Variants in SYT1 observed in about 807,000 individuals in gnomAD.
SYT1 encodes the protein synaptotagmin 1.
Under a neutral mutation model 44.8 loss-of-function variants are expected in SYT1, and 8 were observed. The observed-to-expected ratio is 0.18, with a 90% CI of 0.10 to 0.32. The LOEUF is 0.32. Among genes scored for constraint, SYT1 ranks in the 10% least tolerant of loss-of-function variants. The pLI, the probability that SYT1 is intolerant of heterozygous loss-of-function variation, is 1.00. For missense variants in SYT1, 286 were observed against 509.3 expected, an observed-to-expected ratio of 0.56 and a Z score of 4.22; for synonymous variants, 154 against 188.8, an observed-to-expected ratio of 0.82 and a Z score of 1.51.
chr12:79,168,134 T>C (rs546255986), intron 3 of SYT1, among the ~76,000 whole-genome samples: 15 of 152,220 alleles, frequency 9.9e-5, no homozygotes, highest in African/African-American at 3.6e-4. Flanking sequence ...AATACATATG[T>C]ATGTACTTAA....
intron 4 of SYT1, among the ~76,000 whole-genome samples, chr12:79,270,845 T>A (rs1195791023): frequency 6.6e-6 from 1 of 152,204 alleles, no homozygotes; most frequent in Non-Finnish European, 1.5e-5. Context: ...AGAACATGGC[T>A]ATGTGGGTTT....
intron 9 of SYT1, among the ~76,000 whole-genome samples, chr12:79,378,574 C>T (rs146364884): frequency 2.0e-4 from 31 of 152,262 alleles, no homozygotes; most frequent in African/African-American, 7.5e-4. Context: ...CCTGATTTGG[C>T]AGGGATTTTC....
chr12:79,304,466 CTTGTTA>C (rs1252230943), intron 8 of SYT1, among the ~76,000 whole-genome samples: 1 of 152,082 alleles, frequency 6.6e-6, no homozygotes, highest in Non-Finnish European at 1.5e-5. Flanking sequence ...CAAAATCAAC[CTTGTTA>C]TTGTTTTTGT....
intron 3 of SYT1, among the ~76,000 whole-genome samples, chr12:79,154,070 T>C (rs1870444183): frequency 6.6e-6 from 1 of 152,126 alleles, no homozygotes. Flanking sequence ...AGACTTCAGA[T>C]ACATTCTGCC....
chr12:79,080,073 T>C lies in SYT1; in HGVS notation c.-18+32711T>C, dbSNP rs192898856. ...CGCCAGTGAGTCATTGTTACCAAAGTAAAACCTTCACTTCTTCAATAGCAA... is the reference window on the plus strand; with the variant it reads ...CGCCAGTGAGTCATTGTTACCAAAGCAAAACCTTCACTTCTTCAATAGCAA... On this transcript the variant is annotated intron_variant, in intron 3 of 10. Transcript: ENST00000261205. 5.1e-4 allele frequency among the ~76,000 whole-genome samples: 77 copies of C among 152,222 alleles called. 1 individual carries two copies. The highest frequency in any genetic ancestry group is 1.3e-3 in the African/African-American group (54 of 41,568).
chr12:78,952,433 T>G (rs1473061387), intron 1 of SYT1, among the ~76,000 whole-genome samples: 1 of 152,122 alleles, frequency 6.6e-6, no homozygotes, highest in Non-Finnish European at 1.5e-5. Flanking sequence ...TTAAAGAGCC[T>G]GGACTGCATG....
At chr12:79,039,512 C>G (rs1353922464) in intron 2 of SYT1, among the ~76,000 whole-genome samples, 1 of 151,866 alleles carries the variant, frequency 6.6e-6, no homozygotes, top group African/African-American at 2.4e-5. Context: ...AATTAGCTAC[C>G]AGAAAAATGC....
At chr12:79,217,464 A>G (rs1485418542) in intron 3 of SYT1, 39 bp from the exon 4 acceptor site, 13 of 1,480,402 alleles carry the variant, frequency 8.8e-6, no homozygotes, top group Non-Finnish European at 8.9e-7. Context: ...CAGTTAAGCC[A>G]TTTTGAATTG....
intron 3 of SYT1, among the ~76,000 whole-genome samples, chr12:79,194,742 G>A (rs1292118425): frequency 6.6e-6 from 1 of 152,084 alleles, no homozygotes; most frequent in African/African-American, 2.4e-5. Context: ...TTAAATGCCT[G>A]TGTGATTGTA....
chr12:79,173,907 T>C (rs554222304), intron 3 of SYT1, among the ~76,000 whole-genome samples: 1 of 152,052 alleles, frequency 6.6e-6, no homozygotes, highest in African/African-American at 2.4e-5. Context: ...TAACTTAATG[T>C]GGCATTCTAT....
intron 3 of SYT1, among the ~76,000 whole-genome samples, chr12:79,194,536 C>T (rs975924165): frequency 6.6e-6 from 1 of 151,924 alleles, no homozygotes; most frequent in Non-Finnish European, 1.5e-5. Context: ...CTCAAGCAAT[C>T]CCCCTGCCTC....
chr12:79,203,462 A>G (rs149225567), intron 3 of SYT1, among the ~76,000 whole-genome samples: 1 of 152,272 alleles, frequency 6.6e-6, no homozygotes, highest in African/African-American at 2.4e-5. Context: ...TCCAGAAATC[A>G]CCCAACAGAA....
rs377085240 is a variant in SYT1 at position 79,166,778 on chromosome 12, A to G, written c.-17-50725A>G. Among the ~76,000 whole-genome samples the G allele has an allele frequency of 5.9e-5, 9 of 152,188 alleles. 1 individual carries two copies. The highest frequency in any genetic ancestry group is 3.9e-4 in the East Asian group (2 of 5,160). Reference sequence around the variant, plus strand: ...GCTATACAAATGTTGGTTGGATTATACGGGAAGCTTTAGAGATGCCTTTGC... The same window carrying G: ...GCTATACAAATGTTGGTTGGATTATGCGGGAAGCTTTAGAGATGCCTTTGC... On this transcript the variant is annotated intron_variant, in intron 3 of 10. Transcript: ENST00000261205.
At chr12:79,227,592 A>C (rs1188730862) in intron 4 of SYT1, among the ~76,000 whole-genome samples, 5 of 152,222 alleles carry the variant, frequency 3.3e-5, no homozygotes, top group Non-Finnish European at 7.3e-5. Flanking sequence ...AGTTTAATTC[A>C]GAAATTAAAA....
At chr12:78,941,676 G>A (rs1393604600) in intron 1 of SYT1, among the ~76,000 whole-genome samples, 1 of 152,166 alleles carries the variant, frequency 6.6e-6, no homozygotes, top group African/African-American at 2.4e-5. Flanking sequence ...CCCATTGATT[G>A]TTATTTCTAC....
At chr12:79,337,952 G>C (rs187480967) in intron 8 of SYT1, among the ~76,000 whole-genome samples, 1 of 152,312 alleles carries the variant, frequency 6.6e-6, no homozygotes, top group African/African-American at 2.4e-5. Context: ...CAGGAAAGTA[G>C]AATGTTTAAA....
At chr12:78,903,075 C>T (rs961100506) in intron 1 of SYT1, among the ~76,000 whole-genome samples, 1 of 151,890 alleles carries the variant, frequency 6.6e-6, no homozygotes, top group Non-Finnish European at 1.5e-5. Context: ...AGAAAATTGT[C>T]AAAATTCATT....
intron 1 of SYT1, among the ~76,000 whole-genome samples, chr12:78,915,710 C>T (rs1876614571): frequency 6.6e-6 from 1 of 151,404 alleles, no homozygotes; most frequent in South Asian, 2.1e-4. Context: ...TCTATTTATT[C>T]TGGCTAGAAT....
At chr12:78,984,431 G>A (rs1287850481) in intron 2 of SYT1, among the ~76,000 whole-genome samples, 3 of 151,932 alleles carry the variant, frequency 2.0e-5, no homozygotes, top group Admixed American at 6.6e-5. Flanking sequence ...ATTTTATATA[G>A]CATTATGAGA....
Sources: gnomAD v4.1 joint callset for allele counts (sites outside exome capture counted in the v4.1 genomes callset) on GRCh38, gnomAD v4.1.1 for gene constraint, MANE v1.5 for transcripts, NCBI Gene and HGNC (gene_info 2026-07-23, HGNC 2026-07-21) for gene names.